Variants in POLD3 observed in about 807,000 individuals in gnomAD.
POLD3 encodes DNA polymerase delta 3, accessory subunit, also known as DNA polymerase delta subunit 3.
POLD3 carries 19 observed loss-of-function variants against 58.2 expected under a neutral mutation model. The ratio of observed to expected loss-of-function variants is 0.33; its 90% CI spans 0.23 to 0.48. The LOEUF is 0.48. Among genes scored for constraint, POLD3 ranks in the 20% least tolerant of loss-of-function variants. The probability of loss-of-function intolerance (pLI) is 0.99; values close to 1 mark genes in which losing one functional copy is unlikely to be tolerated. For synonymous variants in POLD3, 172 were observed against 193.5 expected (o/e 0.89, Z 0.92); for missense variants, 504 against 545.5 (o/e 0.92, Z 0.76).
intron 2 of POLD3, 66 bp from the exon 3 acceptor site, chr11:74,604,626 A>G (rs188282688): frequency 9.5e-6 from 8 of 845,450 alleles, no homozygotes; most frequent in Non-Finnish European, 1.4e-5. Flanking sequence ...TAAGTCATTA[A>G]TTAAGAGTTG....
intron 2 of POLD3, among the ~76,000 whole-genome samples, chr11:74,602,791 C>T (rs571211407): frequency 4.2e-4 from 64 of 152,332 alleles, no homozygotes; most frequent in Non-Finnish European, 8.2e-4. Context: ...CCCCTACTAC[C>T]GTCCTTATTC....
In POLD3 at chr11:74,651,155, G is replaced by A. The variant is rs546351364; in HGVS notation, c.369+14880G>A. ...CACAATATAAGTTCTAGGAAGTCAC[G>A]GACTGTCTATCATTCTATCTCCAGT... is the stretch of plus-strand genomic sequence containing the variant. On this transcript the variant is annotated intron_variant, in intron 4 of 4. Coordinates refer to the POLD3 transcript ENST00000524752. Among the ~76,000 whole-genome samples the A allele has an allele frequency of 2.0e-5, 3 of 152,226 alleles. No individual in the cohort carries two copies. In the South Asian group the frequency reaches 6.2e-4, roughly 32 times the overall value.
intron 9 of POLD3, among the ~76,000 whole-genome samples, chr11:74,632,653 C>T (rs549720529): frequency 1.3e-5 from 2 of 152,216 alleles, no homozygotes; most frequent in African/African-American, 4.8e-5. Context: ...TGCCTTCCAC[C>T]TTCCATGGAT....
chr11:74,657,172 T>C (rs1363774372), intron 4 of POLD3, among the ~76,000 whole-genome samples: 1 of 152,066 alleles, frequency 6.6e-6, no homozygotes, highest in East Asian at 1.9e-4. Flanking sequence ...TGCGTCTTTA[T>C]AGATGAAATA....
chr11:74,628,692 C>T (rs1433649306), intron 8 of POLD3, among the ~76,000 whole-genome samples: 2 of 152,070 alleles, frequency 1.3e-5, no homozygotes, highest in African/African-American at 4.8e-5. Flanking sequence ...TATGTTTCCC[C>T]TTTCTACATG....
intron 4 of POLD3, among the ~76,000 whole-genome samples, chr11:74,659,942 C>T (rs1277276246): frequency 1.3e-5 from 2 of 152,198 alleles, no homozygotes; most frequent in Admixed American, 6.5e-5. Context: ...ATCTTTTCAG[C>T]AATGCCCCAC....
intron 11 of POLD3, among the ~76,000 whole-genome samples, chr11:74,639,639 A>G (rs1239774642): frequency 6.6e-6 from 1 of 152,198 alleles, no homozygotes; most frequent in Non-Finnish European, 1.5e-5. Flanking sequence ...TATGTGTTGC[A>G]GTAGTGTAGA....
chr11:74,654,985 C>G (rs549864362), intron 4 of POLD3, among the ~76,000 whole-genome samples: 93 of 152,270 alleles, frequency 6.1e-4, no homozygotes, highest in African/African-American at 2.1e-3. Flanking sequence ...CAGGAGAGAC[C>G]AAAGAGTGCC....
At chr11:74,636,621 A>T (rs903718585) in intron 11 of POLD3, among the ~76,000 whole-genome samples, 1 of 152,234 alleles carries the variant, frequency 6.6e-6, no homozygotes, top group Non-Finnish European at 1.5e-5. Context: ...AACAAGATGG[A>T]AACCACAGTA....
At chr11:74,615,800 G>A (rs1455554307) in intron 5 of POLD3, among the ~76,000 whole-genome samples, 1 of 152,106 alleles carries the variant, frequency 6.6e-6, no homozygotes, top group Non-Finnish European at 1.5e-5. Flanking sequence ...AATAGGGATC[G>A]TGTCTAAATT....
At chr11:74,648,277 A>G (rs764286112) in intron 4 of POLD3, among the ~76,000 whole-genome samples, 2 of 152,180 alleles carry the variant, frequency 1.3e-5, no homozygotes, top group Non-Finnish European at 2.9e-5. Flanking sequence ...CCAGTGGACT[A>G]TATGTTAGGC....
chr11:74,626,390 G>A (rs1022815856), intron 8 of POLD3, among the ~76,000 whole-genome samples: 7 of 152,196 alleles, frequency 4.6e-5, no homozygotes, highest in South Asian at 2.1e-4. Flanking sequence ...AATAGATGCC[G>A]TTAACCAGAT....
intron 5 of POLD3, 75 bp from the exon 6 acceptor site, chr11:74,618,462 T>G: frequency 1.9e-6 from 2 of 1,074,220 alleles, no homozygotes; most frequent in Non-Finnish European, 1.4e-6. Flanking sequence ...ACATTAGTTT[T>G]TTTTTTCTTT....
intron 2 of POLD3, among the ~76,000 whole-genome samples, chr11:74,597,921 T>G (rs186132582): frequency 7.9e-5 from 12 of 152,150 alleles, no homozygotes; most frequent in African/African-American, 2.9e-4. Context: ...ATAAAAAGTT[T>G]TTTTAAAACA....
intron 2 of POLD3, among the ~76,000 whole-genome samples, chr11:74,598,395 T>C (rs2031354688): frequency 6.6e-6 from 1 of 152,234 alleles, no homozygotes; most frequent in Admixed American, 6.5e-5. Flanking sequence ...ATAAACTCTA[T>C]GAAGGCAGGA....
chr11:74,612,834 T>C (rs1449823520), intron 4 of POLD3, 44 bp from the exon 5 acceptor site: 2 of 1,567,884 alleles, frequency 1.3e-6, no homozygotes, highest in Non-Finnish European at 1.7e-6. Flanking sequence ...CCACATGCTA[T>C]GAAGTTTGTG....
chr11:74,622,038 A>G (rs2032279711), intron 7 of POLD3, among the ~76,000 whole-genome samples: 1 of 137,836 alleles, frequency 7.3e-6, no homozygotes, highest in Admixed American at 7.6e-5. Context: ...ACCCCACAAC[A>G]GTCCCCAGAG....
downstream of POLD3, among the ~76,000 whole-genome samples, chr11:74,643,480 A>G (rs1048982556): frequency 1.2e-4 from 19 of 152,182 alleles, no homozygotes; most frequent in African/African-American, 4.3e-4. Flanking sequence ...TGACAGTGCC[A>G]TATGTGAGTG....
intron 8 of POLD3, among the ~76,000 whole-genome samples, chr11:74,627,762 T>C (rs920533053): frequency 1.3e-5 from 2 of 152,206 alleles, no homozygotes; most frequent in African/African-American, 4.8e-5. Context: ...GTAACAATGA[T>C]GTACAGGTTT....
Sources: gnomAD v4.1 joint callset for allele counts (sites outside exome capture counted in the v4.1 genomes callset) on GRCh38, gnomAD v4.1.1 for gene constraint, MANE v1.5 for transcripts, NCBI Gene and HGNC (gene_info 2026-07-23, HGNC 2026-07-21) for gene names.